WRN: variants seen among roughly 807,000 people sequenced by gnomAD.
The protein encoded by WRN is bifunctional 3'-5' exonuclease/ATP-dependent helicase WRN.
In WRN, 149 loss-of-function variants were observed where a neutral mutation model predicts 180.7. The observed-to-expected ratio is 0.82, with a 90% CI of 0.72 to 0.94. The LOEUF is 0.94. Among genes scored for constraint, WRN ranks in the 40% least tolerant of loss-of-function variants. WRN has a pLI of 0.00. For missense variants in WRN, 1,661 were observed against 1,700.1 expected, an observed-to-expected ratio of 0.98 and a Z score of 0.40; for synonymous variants, 548 against 568.9, an observed-to-expected ratio of 0.96 and a Z score of 0.52.
intron 30 of WRN, among the ~76,000 whole-genome samples, chr8:31,149,345 G>C (rs71506519): frequency 4.7e-5 from 7 of 150,422 alleles, no homozygotes; most frequent in East Asian, 2.0e-4. Context: ...TGCAGTGAGC[G>C]GAGATCGCGC....
chr8:31,101,541 C>T (rs1027942874), intron 18 of WRN, among the ~76,000 whole-genome samples: 1 of 152,050 alleles, frequency 6.6e-6, no homozygotes, highest in Non-Finnish European at 1.5e-5. Context: ...AGTCCCAGCA[C>T]TTTGGGAGGC....
intron 30 of WRN, among the ~76,000 whole-genome samples, chr8:31,149,395 T>TC (rs1554534545): frequency 2.7e-4 from 36 of 133,162 alleles, no homozygotes; most frequent in African/African-American, 6.2e-4. Flanking sequence ...AGACTCCGTC[T>TC]AAAAAAAAAA....
At position 31,083,704 on chromosome 8, in the gene WRN, A is replaced by G. The variant is rs771486771; in HGVS notation, c.1275A>G (p.Leu425=). The G allele has an allele frequency of 3.1e-6, 5 of 1,611,230 alleles. No homozygotes were observed. The highest frequency in any genetic ancestry group is 4.2e-6 in the Non-Finnish European group (5 of 1,177,948). Residue 425 remains leucine, a synonymous_variant, in exon 10 of 35, where the codon TTA becomes TTG. Transcript: ENST00000298139. ...GCTTAATACTTTTTTTAAAGCATTT[A>G]TCTCCCAATGATAATGAAAACGATA... ...SDIAYKSTEH[L]SPNDNENDTS... is the part of the protein sequence containing the mutation.
At chr8:31,059,572 A>G (rs1367390870) in intron 3 of WRN, among the ~76,000 whole-genome samples, 1 of 152,174 alleles carries the variant, frequency 6.6e-6, no homozygotes, top group African/African-American at 2.4e-5. Flanking sequence ...GATGTTATAT[A>G]TAGAGCTACT....
intron 30 of WRN, 74 bp downstream of exon 30, chr8:31,147,550 TA>T (rs1248406108): frequency 1.5e-6 from 2 of 1,364,306 alleles, no homozygotes; most frequent in Non-Finnish European, 2.1e-6. Context: ...TCTAAGTTGA[TA>T]ATATGACCAT....
chr8:31,080,033 A>T (rs1290106042), intron 8 of WRN, among the ~76,000 whole-genome samples: 1 of 152,144 alleles, frequency 6.6e-6, no homozygotes, highest in Non-Finnish European at 1.5e-5. Flanking sequence ...GGCGCATGCC[A>T]CCAAGCCCAG....
Position 31,141,494 on chromosome 8 carries a change from CAG to C in WRN, c.3037_3038del (p.Ser1013LeufsTer12), listed in dbSNP as rs759972548. The C allele has an allele frequency of 2.5e-6, 4 of 1,613,988 alleles. No individual in the cohort carries two copies. Among genetic ancestry groups the C allele is most frequent in the African/African-American group, 1.3e-5 (1 of 74,908 alleles). On this transcript the variant is annotated frameshift_variant, in exon 25 of 35. Transcript: ENST00000298139. LOFTEE classifies it high-confidence loss of function. Reference sequence around the variant, plus strand: ...TTATTTGGCACTGGCAAGGATCAAACAGAGAGTTGGTGGAAGGCTTTTTCCCG... The same window carrying C: ...TTATTTGGCACTGGCAAGGATCAAACAGAGTTGGTGGAAGGCTTTTTCCCG...
intron 21 of WRN, among the ~76,000 whole-genome samples, chr8:31,123,812 G>A (rs1217250702): frequency 2.0e-5 from 3 of 152,012 alleles, no homozygotes; most frequent in African/African-American, 7.2e-5. Context: ...GATATTCATG[G>A]GCTTTCTTCA....
Position 31,068,293 on chromosome 8 carries a change from G to A in WRN, c.690G>A (p.Leu230=). The part of the protein sequence containing the change: ...GFIIYRNLEI[L]DDTVQRFAIN... ...TTATTTACCGAAATTTAGAGATTTT[G>A]GATGATACTGTGCAAAGGTTTGCTA... The change falls in exon 7 of 35, where the codon TTG becomes TTA. Residue 230 remains leucine, a synonymous_variant. Coordinates refer to ENST00000298139, the MANE Select transcript of WRN (RefSeq NM_000553.6). 6.2e-7 allele frequency: 1 copy of A among 1,608,740 alleles called. No homozygotes were observed. Among genetic ancestry groups the A allele is most frequent in the Non-Finnish European group, 8.5e-7 (1 of 1,176,234 alleles).
At chr8:31,150,239 G>A in intron 30 of WRN, 102 bp from the exon 31 acceptor site, 1 of 918,076 alleles carries the variant, frequency 1.1e-6, no homozygotes. Context: ...CATTTATTGA[G>A]AGAATCATTA....
intron 1 of WRN, among the ~76,000 whole-genome samples, chr8:31,040,446 G>C (rs1357096998): frequency 6.6e-6 from 1 of 152,196 alleles, no homozygotes; most frequent in Non-Finnish European, 1.5e-5. Flanking sequence ...GTGATGTTTA[G>C]AGATTGGGGA....
intron 17 of WRN, among the ~76,000 whole-genome samples, chr8:31,098,158 A>G (rs963927717): frequency 6.6e-6 from 1 of 152,140 alleles, no homozygotes; most frequent in African/African-American, 2.4e-5. Flanking sequence ...AAACTCCCTT[A>G]TTGACATACT....
In WRN at chr8:31,157,361, T is replaced by A; in HGVS notation, c.3820-7T>A. ...ACTCACTGGGTTCTTTGCTGATCTT[T>A]CTCTAGAAGAGCATAGCTGAGAGCA... On this transcript the variant is annotated splice_region_variant and splice_polypyrimidine_tract_variant and intron_variant, in intron 32 of 34. Transcript: ENST00000298139. The A allele has an allele frequency of 6.2e-7, 1 of 1,613,770 alleles. No homozygotes were observed. Among genetic ancestry groups the A allele is most frequent in the Non-Finnish European group, 8.5e-7 (1 of 1,180,006 alleles).
At position 31,081,090 on chromosome 8, in the gene WRN, G is replaced by T; in HGVS notation, c.1063G>T (p.Ala355Ser). The T allele has an allele frequency of 6.2e-7, 1 of 1,614,016 alleles. No homozygotes were observed. The highest frequency in any genetic ancestry group is 8.5e-7 in the Non-Finnish European group (1 of 1,179,968). The change falls in exon 9 of 35, where the codon GCT becomes TCT. Residue 355 changes from alanine (A) to serine (S), a missense_variant. By Grantham distance (99) the Ala-to-Ser change is moderately conservative. Coordinates refer to ENST00000298139, the MANE Select transcript of WRN (RefSeq NM_000553.6). ...ATGGGACCCAACACTTGATCATTTA[G>T]CTAAACATGATGGAGAAGATGTACT... ...ETWDPTLDHLAKHDGEDVLGN... is the reference protein window; with the variant it reads ...ETWDPTLDHLSKHDGEDVLGN...
chr8:31,077,654 G>A (rs1813148120), intron 8 of WRN, among the ~76,000 whole-genome samples: 1 of 152,124 alleles, frequency 6.6e-6, no homozygotes, highest in African/African-American at 2.4e-5. Context: ...ACTTTTACAT[G>A]CATTTCAGAT....
chr8:31,124,393 GTT>G, intron 21 of WRN, 127 bp from the exon 22 acceptor site: 2 of 700,618 alleles, frequency 2.9e-6, no homozygotes, highest in Non-Finnish European at 4.8e-6. Context: ...TGCTAGAAAT[GTT>G]TTTTTATCTT....
At chr8:31,057,030 G>A (rs1396186985) in intron 1 of WRN, among the ~76,000 whole-genome samples, 1 of 152,108 alleles carries the variant, frequency 6.6e-6, no homozygotes, top group Non-Finnish European at 1.5e-5. Flanking sequence ...GTACAATAGC[G>A]ATGGAGTTTG....
intron 27 of WRN, 112 bp downstream of exon 27, chr8:31,142,813 C>G: frequency 1.0e-6 from 1 of 971,524 alleles, no homozygotes; most frequent in Non-Finnish European, 1.5e-6. Context: ...GCATATATAA[C>G]AAAGCATAAA....
chr8:31,044,190 C>T (rs1235641088), intron 1 of WRN, among the ~76,000 whole-genome samples: 12 of 151,268 alleles, frequency 7.9e-5, no homozygotes, highest in South Asian at 2.1e-4. Flanking sequence ...TACAGGTGCA[C>T]GCCGCCACAC....
Sources: gnomAD v4.1 joint callset for allele counts (sites outside exome capture counted in the v4.1 genomes callset) on GRCh38, gnomAD v4.1.1 for gene constraint, MANE v1.5 for transcripts, NCBI Gene and HGNC (gene_info 2026-07-23, HGNC 2026-07-21) for gene names.